TFDP1: variants seen among roughly 807,000 people sequenced by gnomAD.
The protein encoded by TFDP1 is DRTF1-polypeptide 1.
In TFDP1, 6 loss-of-function variants were observed where a neutral mutation model predicts 48.0. The ratio of observed to expected loss-of-function variants is 0.13; its 90% CI spans 0.07 to 0.25. TFDP1 has a LOEUF of 0.25. Ranked by LOEUF, TFDP1 falls within the 10% of genes least tolerant of loss-of-function variation. The pLI, the probability that TFDP1 is intolerant of heterozygous loss-of-function variation, is 1.00. For missense variants in TFDP1, 335 were observed against 543.0 expected (o/e 0.62, Z 3.81); for synonymous variants, 201 against 211.6 (o/e 0.95, Z 0.44).
chr13:113,629,386 C>T (rs2049274261), intron 4 of TFDP1, among the ~76,000 whole-genome samples: 2 of 152,192 alleles, frequency 1.3e-5, no homozygotes, highest in African/African-American at 2.4e-5. Flanking sequence ...CACCATTGAG[C>T]ACCTGGTGTG....
At chr13:113,631,476 C>T (rs972752644) in intron 4 of TFDP1, 147 bp from the exon 5 acceptor site, 19 of 1,011,322 alleles carry the variant, frequency 1.9e-5, no homozygotes, top group South Asian at 2.5e-5. Flanking sequence ...AAGCGTCCAC[C>T]GCTGGACGTT....
chr13:113,586,909 T>C (rs2048019337), intron 2 of TFDP1, among the ~76,000 whole-genome samples: 1 of 152,296 alleles, frequency 6.6e-6, no homozygotes, highest in South Asian at 2.1e-4. Context: ...ACTGTGCTTG[T>C]CCGTACCATG....
At chr13:113,630,140 C>T (rs1390800321) in intron 4 of TFDP1, among the ~76,000 whole-genome samples, 2 of 144,174 alleles carry the variant, frequency 1.4e-5, no homozygotes, top group Admixed American at 1.4e-4. Context: ...TCCCACGTGG[C>T]CCAGTGCCCC....
intron 5 of TFDP1, 159 bp downstream of exon 5, chr13:113,631,903 C>A: frequency 9.6e-7 from 1 of 1,040,168 alleles, no homozygotes; most frequent in Non-Finnish European, 1.3e-6. Context: ...GTGGCCTGCA[C>A]AGGTGTGCAG....
intron 2 of TFDP1, among the ~76,000 whole-genome samples, chr13:113,586,735 G>A (rs1017041142): frequency 2.6e-5 from 4 of 152,342 alleles, no homozygotes; most frequent in African/African-American, 9.6e-5. Flanking sequence ...GAGGCCTTTT[G>A]GGGTGTCTGC....
At chr13:113,609,795 G>A (rs556465870) in intron 2 of TFDP1, among the ~76,000 whole-genome samples, 7 of 152,242 alleles carry the variant, frequency 4.6e-5, no homozygotes, top group African/African-American at 1.4e-4. Context: ...AACCCTCATC[G>A]CTGCCCCCCA....
At position 113,628,904 on chromosome 13, in the gene TFDP1, A is replaced by G. The variant is rs541489337; in HGVS notation, c.187-2719A>G. ...GGAAGTGAGGCCGGGGGCCTGCTCC[A>G]TGTCTGTTGAATGGGAGACTGGAAG... On this transcript the variant is annotated intron_variant, in intron 4 of 11. Transcript: ENST00000375370. Among the ~76,000 whole-genome samples the G allele has an allele frequency of 2.2e-3, 333 of 152,300 alleles. 2 individuals carry two copies. Among genetic ancestry groups the G allele is most frequent in the Admixed American group, 3.7e-3 (56 of 15,310 alleles).
chr13:113,615,335 T>C (rs545240049), intron 3 of TFDP1, among the ~76,000 whole-genome samples: 4 of 152,366 alleles, frequency 2.6e-5, no homozygotes, highest in African/African-American at 9.6e-5. Flanking sequence ...CTTACTCATA[T>C]CATGCCTACG....
intron 2 of TFDP1, among the ~76,000 whole-genome samples, chr13:113,595,901 T>C (rs1192460413): frequency 6.6e-6 from 1 of 152,138 alleles, no homozygotes; most frequent in Non-Finnish European, 1.5e-5. Flanking sequence ...GCTAACATGG[T>C]GAAACCCCGT....
At chr13:113,602,043 G>A (rs2048444180) in intron 2 of TFDP1, among the ~76,000 whole-genome samples, 1 of 151,756 alleles carries the variant, frequency 6.6e-6, no homozygotes, top group Admixed American at 6.6e-5. Context: ...AAGGAGTTCA[G>A]GGAGGAGTGG....
chr13:113,637,739 G>A (rs777197959), intron 10 of TFDP1, 79 bp from the exon 11 acceptor site: 78 of 1,612,258 alleles, frequency 4.8e-5, no homozygotes, highest in Middle Eastern at 3.3e-4. Flanking sequence ...GTGGAACTGC[G>A]CGTCATTTTG....
chr13:113,625,982 C>G (rs1452448712), intron 4 of TFDP1, among the ~76,000 whole-genome samples: 1 of 149,436 alleles, frequency 6.7e-6, no homozygotes, highest in East Asian at 2.0e-4. Flanking sequence ...CACGTGTCCT[C>G]AGGTGTCTCT....
At chr13:113,592,265 C>G (rs2140282792) in intron 2 of TFDP1, among the ~76,000 whole-genome samples, 1 of 152,384 alleles carries the variant, frequency 6.6e-6, no homozygotes, top group African/African-American at 2.4e-5. Flanking sequence ...AAGCGATTCT[C>G]TGACCTCAGC....
chr13:113,625,727 C>T (rs1330043984), intron 4 of TFDP1, among the ~76,000 whole-genome samples: 1 of 42,956 alleles, frequency 2.3e-5, no homozygotes, highest in African/African-American at 1.0e-4. Flanking sequence ...TGTCTTCAGG[C>T]GTCTCTCACG....
chr13:113,602,983 A>C (rs533862124), intron 2 of TFDP1, among the ~76,000 whole-genome samples: 6 of 138,806 alleles, frequency 4.3e-5, no homozygotes, highest in South Asian at 2.2e-4. Context: ...AAAAAAAAAA[A>C]AAACGTATAA....
chr13:113,592,154 C>CTGTT (rs147630016), intron 2 of TFDP1, among the ~76,000 whole-genome samples: 192 of 152,150 alleles, frequency 1.3e-3, no homozygotes, highest in African/African-American at 4.2e-3. Context: ...TATGTGAATC[C>CTGTT]TGTTTGTTTG....
At chr13:113,619,279 C>T (rs536125278) in intron 3 of TFDP1, among the ~76,000 whole-genome samples, 4 of 152,240 alleles carry the variant, frequency 2.6e-5, no homozygotes, top group African/African-American at 9.6e-5. Flanking sequence ...TCAAGACCAG[C>T]CTGGCCAACA....
At chr13:113,612,730 A>G (rs1239911101) in intron 3 of TFDP1, among the ~76,000 whole-genome samples, 1 of 152,134 alleles carries the variant, frequency 6.6e-6, no homozygotes, top group Admixed American at 6.6e-5. Context: ...ATTCTTACTC[A>G]CAAATCTGTG....
At chr13:113,586,009 G>T (rs1006872936) in intron 2 of TFDP1, 160 bp downstream of exon 2, 3 of 783,136 alleles carry the variant, frequency 3.8e-6, no homozygotes, top group African/African-American at 1.7e-5. Flanking sequence ...AAGATGGAAG[G>T]ATCTGATCTC....
Sources: gnomAD v4.1 joint callset for allele counts (sites outside exome capture counted in the v4.1 genomes callset) on GRCh38, gnomAD v4.1.1 for gene constraint, MANE v1.5 for transcripts, NCBI Gene and HGNC (gene_info 2026-07-23, HGNC 2026-07-21) for gene names.